L3MBTL4: variants seen among roughly 807,000 people sequenced by gnomAD.
The protein encoded by L3MBTL4 is L3MBTL histone methyl-lysine binding protein 4, also known as lethal(3)malignant brain tumor-like protein 4.
Under a neutral mutation model 84.5 loss-of-function variants are expected in L3MBTL4, and 70 were observed. The observed-to-expected ratio is 0.83, with a 90% CI of 0.68 to 1.01. L3MBTL4 has a LOEUF of 1.01. L3MBTL4 is among the 50% of genes least tolerant of loss of function. The pLI is 0.00. For synonymous variants in L3MBTL4, 274 were observed against 259.8 expected (o/e 1.05, Z -0.52); for missense variants, 715 against 754.8 (o/e 0.95, Z 0.62).
intron 14 of L3MBTL4, among the ~76,000 whole-genome samples, chr18:6,132,306 T>C (rs2059899540): frequency 6.6e-6 from 1 of 152,246 alleles, no homozygotes. Flanking sequence ...GTCTTCTCCA[T>C]TCTAGATAGA....
intron 16 of L3MBTL4, among the ~76,000 whole-genome samples, chr18:6,061,699 C>CT (rs1042638600): frequency 4.6e-5 from 7 of 151,914 alleles, no homozygotes; most frequent in African/African-American, 1.7e-4. Context: ...TAGTCTTCCT[C>CT]TCTTTTTCTC....
At chr18:6,386,850 A>G (rs59413854) in intron 1 of L3MBTL4, among the ~76,000 whole-genome samples, 4,939 of 152,272 alleles carry the variant, frequency 0.032, 130 homozygotes, top group African/African-American at 0.08. Context: ...TCATTTTATT[A>G]TGAATGACAT....
At chr18:6,345,014 G>C (rs1028623651) in intron 1 of L3MBTL4, among the ~76,000 whole-genome samples, 2 of 151,756 alleles carry the variant, frequency 1.3e-5, no homozygotes, top group African/African-American at 4.8e-5. Context: ...ACAAAAAAAG[G>C]CATCCAAGTC....
At chr18:6,124,451 T>C (rs2059624459) in intron 14 of L3MBTL4, among the ~76,000 whole-genome samples, 2 of 148,176 alleles carry the variant, frequency 1.3e-5, no homozygotes, top group African/African-American at 4.9e-5. Context: ...TATGTATATA[T>C]AAAAATTATA....
At chr18:6,310,769 A>T (rs1368214521) in intron 3 of L3MBTL4, among the ~76,000 whole-genome samples, 1 of 152,202 alleles carries the variant, frequency 6.6e-6, no homozygotes, top group Non-Finnish European at 1.5e-5. Context: ...AAGCTGTCAT[A>T]AGGAAACAGA....
intron 10 of L3MBTL4, among the ~76,000 whole-genome samples, chr18:6,225,529 G>T (rs1219092658): frequency 6.6e-6 from 1 of 152,168 alleles, no homozygotes; most frequent in Non-Finnish European, 1.5e-5. Flanking sequence ...GGAGGCCAAG[G>T]CAGGTGGATA....
Position 5,997,786 on chromosome 18 carries a change from A to G in L3MBTL4, c.1445-28224T>C, listed in dbSNP as rs371211310. ...CCAACGCGTCCTTAACCTTGGCAAAATAAACTTTCTAAATTGGTTGAGACC... is the reference window on the plus strand; with the variant it reads ...CCAACGCGTCCTTAACCTTGGCAAAGTAAACTTTCTAAATTGGTTGAGACC... On this transcript the variant is annotated intron_variant, in intron 16 of 18. Coordinates refer to ENST00000317931, the MANE Select transcript of L3MBTL4 (RefSeq NM_001330559.2). 3.9e-5 allele frequency among the ~76,000 whole-genome samples: 6 copies of G among 152,310 alleles called. No individual in the cohort carries two copies. In the East Asian group the frequency reaches 1.2e-3, roughly 29 times the overall value.
intron 4 of L3MBTL4, among the ~76,000 whole-genome samples, chr18:6,297,680 T>A (rs978282537): frequency 1.2e-4 from 18 of 152,374 alleles, no homozygotes; most frequent in African/African-American, 4.1e-4. Flanking sequence ...GATTAAATAC[T>A]ACTTGCAATA....
At chr18:6,219,267 A>G (rs1350879749) in intron 10 of L3MBTL4, among the ~76,000 whole-genome samples, 1 of 151,916 alleles carries the variant, frequency 6.6e-6, no homozygotes, top group Non-Finnish European at 1.5e-5. Flanking sequence ...TCCATGATCC[A>G]AGGCAGCCCC....
At chr18:6,141,688 T>G (rs1367439317) in intron 13 of L3MBTL4, among the ~76,000 whole-genome samples, 1 of 152,188 alleles carries the variant, frequency 6.6e-6, no homozygotes, top group African/African-American at 2.4e-5. Context: ...CCTACCAACT[T>G]ATCTTCATCA....
At chr18:6,107,460 C>T (rs1323790191) in intron 14 of L3MBTL4, among the ~76,000 whole-genome samples, 1 of 152,160 alleles carries the variant, frequency 6.6e-6, no homozygotes, top group African/African-American at 2.4e-5. Context: ...GGGATGGGGA[C>T]AGGACCTGGA....
chr18:5,967,078 G>A (rs1250364532), intron 17 of L3MBTL4, among the ~76,000 whole-genome samples: 7 of 152,066 alleles, frequency 4.6e-5, no homozygotes, highest in Admixed American at 1.3e-4. Flanking sequence ...TTCCTGAAAC[G>A]CCATCTTCAC....
At chr18:6,121,530 T>G (rs1284085191) in intron 14 of L3MBTL4, among the ~76,000 whole-genome samples, 1 of 152,244 alleles carries the variant, frequency 6.6e-6, no homozygotes, top group African/African-American at 2.4e-5. Context: ...ACTAAAGCTT[T>G]TATTCCAGAT....
chr18:5,986,044 C>T (rs1225908491), intron 16 of L3MBTL4, among the ~76,000 whole-genome samples: 1 of 152,112 alleles, frequency 6.6e-6, no homozygotes, highest in African/African-American at 2.4e-5. Context: ...GAAAAGTGAC[C>T]TGGCCAGAGA....
At chr18:6,241,574 T>G in intron 7 of L3MBTL4, 125 bp from the exon 8 acceptor site, 1 of 570,258 alleles carries the variant, frequency 1.8e-6, no homozygotes, top group Non-Finnish European at 3.1e-6. Flanking sequence ...AAAACGCAAT[T>G]ACTTTTGCAC....
At chr18:6,054,869 C>T (rs774960678) in intron 16 of L3MBTL4, among the ~76,000 whole-genome samples, 9 of 152,246 alleles carry the variant, frequency 5.9e-5, no homozygotes, top group Non-Finnish European at 1.2e-4. Flanking sequence ...GAGGTGGCAC[C>T]ACACAACTGG....
chr18:5,986,463 T>C (rs774943779), intron 16 of L3MBTL4, among the ~76,000 whole-genome samples: 2 of 152,258 alleles, frequency 1.3e-5, no homozygotes, highest in African/African-American at 4.8e-5. Context: ...GCATGCAACA[T>C]CATATGATGA....
At chr18:6,071,389 A>AT (rs1279195253) in intron 16 of L3MBTL4, among the ~76,000 whole-genome samples, 1 of 135,406 alleles carries the variant, frequency 7.4e-6, no homozygotes, top group East Asian at 3.0e-4. Flanking sequence ...GACTCTTTCA[A>AT]TTAAAAAAAA....
intron 16 of L3MBTL4, among the ~76,000 whole-genome samples, chr18:6,066,644 T>G (rs2057408128): frequency 6.6e-6 from 1 of 152,174 alleles, no homozygotes. Context: ...GTTGTTGCTT[T>G]AAAGTCTGTT....
Sources: allele counts gnomAD v4.1 joint callset (sites outside exome capture counted in the v4.1 genomes callset), GRCh38; gene constraint gnomAD v4.1.1; transcripts MANE v1.5; gene names NCBI Gene and HGNC (gene_info 2026-07-23, HGNC 2026-07-21).